Variants in ZNF717 observed in about 807,000 individuals in gnomAD.
The protein encoded by ZNF717 is zinc finger protein 717.
Under a neutral mutation model 13.8 loss-of-function variants are expected in ZNF717, and 9 were observed. The observed-to-expected ratio is 0.65, with a 90% CI of 0.39 to 1.14. The LOEUF (loss-of-function observed/expected upper bound fraction) is 1.14. Ranked by LOEUF, ZNF717 falls within the 50% of genes most tolerant of loss-of-function variation. ZNF717 has a pLI of 0.01. For synonymous variants in ZNF717, 327 were observed against 364.1 expected (o/e 0.90, Z 1.16); for missense variants, 1,040 against 1,080.7 (o/e 0.96, Z 0.53).
At chr3:75,729,467 T>C (rs1351423479), downstream of ZNF717, among the ~76,000 whole-genome samples, 3 of 152,080 alleles carry the variant, frequency 2.0e-5, no homozygotes, top group African/African-American at 7.2e-5. Context: ...AATACAAAAT[T>C]AGCCAAGTGT....
chr3:75,738,748 G>A lies in ZNF717; in HGVS notation c.875C>T (p.Ser292Phe). Reference sequence around the variant, plus strand: ...TAGCATAAGGTCTGATTTGCTAATGGAGGGTTTCTCACATTCAACACATTC... The same window carrying A: ...TAGCATAAGGTCTGATTTGCTAATGAAGGGTTTCTCACATTCAACACATTC... ...PYECVECEKP[S>F]ISKSDLMLQC... The change falls in exon 5 of 5, where the codon TCC becomes TTC. Residue 292 changes from serine to phenylalanine, a missense_variant. This residue lies in a region of ZNF717 where 873 missense variants were observed against 832.8 expected (regional missense o/e 1.05). Coordinates refer to ENST00000652011, the MANE Select transcript of ZNF717 (RefSeq NM_001290208.3). 1 of 1,552,332 alleles carries A rather than the reference G, an allele frequency of 6.4e-7. No homozygotes were observed. Among genetic ancestry groups the A allele is most frequent in the Non-Finnish European group, 8.7e-7 (1 of 1,147,514 alleles).
At chr3:75,725,533 G>A (rs1575724812), downstream of ZNF717, among the ~76,000 whole-genome samples, 1 of 152,332 alleles carries the variant, frequency 6.6e-6, no homozygotes, top group East Asian at 1.9e-4. Context: ...CTCATAATAA[G>A]TCTCCGTATT....
intron 2 of ZNF717, among the ~76,000 whole-genome samples, chr3:75,770,420 C>T (rs1290083636): frequency 1.3e-5 from 2 of 152,076 alleles, no homozygotes; most frequent in Non-Finnish European, 1.5e-5. Flanking sequence ...ATTAGCTGGG[C>T]GTGGTGGCAC....
chr3:75,730,387 CA>C (rs1938456997), exon 6 of ZNF717: 5 of 422,348 alleles, frequency 1.2e-5, no homozygotes, highest in African/African-American at 1.0e-4. Context: ...GATTTGATGT[CA>C]ATTTGCTGTG....
intron 4 of ZNF717, among the ~76,000 whole-genome samples, chr3:75,724,297 T>C (rs1293017194): frequency 6.6e-6 from 1 of 152,126 alleles, no homozygotes; most frequent in African/African-American, 2.4e-5. Flanking sequence ...CTCTATCTCT[T>C]TGTCTTGTGT....
chr3:75,730,035 A>ACG lies in ZNF717; in HGVS notation c.*577_*578insCG, dbSNP rs1938431044. On this transcript the variant is annotated 3_prime_UTR_variant, in exon 6 of 6. Transcript: ENST00000477374. ...TCCAAGTTTGCTTACATACACAGATATTAAACCTACAGATACAAAAAGCTG... is the reference window on the plus strand; with the variant it reads ...TCCAAGTTTGCTTACATACACAGATACGTTAAACCTACAGATACAAAAAGCTG... 2.3e-5 allele frequency: 3 copies of ACG among 128,962 alleles called. No individual in the cohort carries two copies. The Admixed American group carries it at 2.4e-4, about 10-fold the overall frequency. The allele number at this position is 128,962 out of a possible 1,614,324, so 8.0% of individuals were successfully genotyped here.
At chr3:75,762,968 G>T (rs960626914) in intron 2 of ZNF717, among the ~76,000 whole-genome samples, 6 of 152,156 alleles carry the variant, frequency 3.9e-5, no homozygotes, top group Admixed American at 3.3e-4. Flanking sequence ...AACAAATGGT[G>T]TTGGGAAAAC....
rs780330522 is a variant in ZNF717, at chr3:75,741,775, C to T, written c.58-39G>A. On this transcript the variant is annotated intron_variant, in intron 2 of 4. Coordinates refer to ENST00000652011, the MANE Select transcript of ZNF717 (RefSeq NM_001290208.3). ...AGGCTGTTGTAGGTCTCCAGCATCACGTTCCTGTACAGGGTCCTCTAAGCA... is the reference window on the plus strand; with the variant it reads ...AGGCTGTTGTAGGTCTCCAGCATCATGTTCCTGTACAGGGTCCTCTAAGCA... The T allele has an allele frequency of 4.0e-5, 63 of 1,563,488 alleles. No homozygotes were observed. The East Asian group carries it at 7.8e-4, about 19-fold the overall frequency.
Position 75,784,213 on chromosome 3 carries a change from C to T in ZNF717, c.-2-849G>A, listed in dbSNP as rs185008444. Among the ~76,000 whole-genome samples the T allele has an allele frequency of 2.1e-4, 32 of 152,286 alleles. No homozygotes were observed. The East Asian group carries it at 5.6e-3, about 27-fold the overall frequency. On this transcript the variant is annotated intron_variant, in intron 1 of 4. Coordinates refer to ENST00000652011, the MANE Select transcript of ZNF717 (RefSeq NM_001290208.3). ...ACCAAGGCCTCTTTTGTGATCCAGGCAACATAAATATATCAACTACCCAGC... is the reference window on the plus strand; with the variant it reads ...ACCAAGGCCTCTTTTGTGATCCAGGTAACATAAATATATCAACTACCCAGC...
At chr3:75,731,023 C>T (rs1305073998), downstream of ZNF717, among the ~76,000 whole-genome samples, 3 of 151,908 alleles carry the variant, frequency 2.0e-5, no homozygotes, top group Admixed American at 2.0e-4. Flanking sequence ...GGCAGATCAC[C>T]TGAAGTCAGA....
downstream of ZNF717, among the ~76,000 whole-genome samples, chr3:75,727,064 A>G (rs1445338349): frequency 6.6e-6 from 1 of 152,264 alleles, no homozygotes; most frequent in African/African-American, 2.4e-5. Flanking sequence ...GAAGAACATA[A>G]ATTGTGAAGA....
intron 2 of ZNF717, among the ~76,000 whole-genome samples, chr3:75,763,209 T>C (rs996056766): frequency 9.2e-5 from 14 of 152,144 alleles, no homozygotes; most frequent in Non-Finnish European, 1.8e-4. Context: ...TTTCTATACC[T>C]CAAAGGTCAC....
intron 2 of ZNF717, among the ~76,000 whole-genome samples, chr3:75,758,419 A>G (rs1408554655): frequency 1.3e-5 from 2 of 152,104 alleles, no homozygotes; most frequent in African/African-American, 4.8e-5. Flanking sequence ...TTTAGAATAA[A>G]CTCAGTTGGT....
rs1939654053 is a variant in ZNF717, at chr3:75,737,948, CT to C, written c.1674del (p.Glu560LysfsTer19). On this transcript the variant is annotated frameshift_variant, in exon 5 of 5. Transcript: ENST00000652011. LOFTEE classifies it low-confidence loss of function (END_TRUNC). ...TCATTACATTCATAGGGTTTTTCCC[CT>C]GTGTGAGTTCTGTGATGTACTGTAA... Reference protein sequence around the residue: ...SYLTVHHRTHTGEKPYECNEC... With the variant: ...SYLTVHHRTHXGEKPYECNEC... 6.4e-6 allele frequency: 10 copies of C among 1,555,256 alleles called. No homozygotes were observed. Among genetic ancestry groups the C allele is most frequent in the African/African-American group, 5.5e-5 (4 of 73,070 alleles).
At chr3:75,728,082 A>G (rs1384618606), downstream of ZNF717, among the ~76,000 whole-genome samples, 1 of 152,246 alleles carries the variant, frequency 6.6e-6, no homozygotes, top group Non-Finnish European at 1.5e-5. Context: ...CTGATATTCA[A>G]TGATGGTGCT....
At chr3:75,739,440 G>T in intron 4 of ZNF717, 95 bp from the exon 5 acceptor site, 2 of 898,268 alleles carry the variant, frequency 2.2e-6, no homozygotes, top group East Asian at 2.9e-5. Context: ...TATCTCAGTG[G>T]AGTAAGATTT....
intron 2 of ZNF717, among the ~76,000 whole-genome samples, chr3:75,764,990 G>GATATATATATATATAT (rs71101852): frequency 1.9e-3 from 195 of 102,200 alleles, no homozygotes; most frequent in East Asian, 3.4e-3. Context: ...TAAACAAAAG[G>GATATATATATATATAT]ATATATATAT....
chr3:75,704,142 T>C (rs1363214428), intron 6 of ZNF717, among the ~76,000 whole-genome samples: 1 of 152,310 alleles, frequency 6.6e-6, no homozygotes, highest in East Asian at 1.9e-4. Flanking sequence ...CTCTTTATAG[T>C]TACTTATAAG....
chr3:75,701,390 G>T (rs1310963271), intron 6 of ZNF717, among the ~76,000 whole-genome samples: 225 of 151,950 alleles, frequency 1.5e-3, no homozygotes, highest in African/African-American at 5.0e-3. Context: ...ATTCAGTCTT[G>T]CCAGGTGTGG....
Sources: allele counts gnomAD v4.1 joint callset (sites outside exome capture counted in the v4.1 genomes callset), GRCh38; gene constraint gnomAD v4.1.1; regional missense constraint gnomAD v4.1.1; transcripts MANE v1.5; gene names NCBI Gene and HGNC (gene_info 2026-07-23, HGNC 2026-07-21).